The following MYO16 variants were observed in gnomAD, a reference collection of about 807,000 sequenced individuals.
MYO16 encodes unconventional myosin-XVI.
A neutral mutation model predicts 205.3 loss-of-function variants in MYO16; 94 were observed. That is an observed-to-expected ratio of 0.46 (90% confidence interval 0.39 to 0.54). The LOEUF is 0.54. Ranked by LOEUF, MYO16 falls within the 20% of genes least tolerant of loss-of-function variation. The pLI is 0.00. For synonymous variants in MYO16, 988 were observed against 954.0 expected, an observed-to-expected ratio of 1.04 and a Z score of -0.66; for missense variants, 2,315 against 2,387.5, an observed-to-expected ratio of 0.97 and a Z score of 0.63.
At chr13:109,023,688 T>TATATATGTATATATGTATATATACAA (rs1566468315) in intron 23 of MYO16, among the ~76,000 whole-genome samples, 11 of 100,254 alleles carry the variant, frequency 1.1e-4, no homozygotes, top group African/African-American at 3.5e-4. Flanking sequence ...TATATATACA[T>TATATATGTATATATGTATATATACAA]ATATATGTAT....
intron 32 of MYO16, among the ~76,000 whole-genome samples, chr13:109,153,474 A>C (rs999865672): frequency 2.6e-5 from 4 of 152,208 alleles, no homozygotes; most frequent in African/African-American, 9.6e-5. Context: ...GTACTTTAGA[A>C]ATGATTAATC....
chr13:109,161,472 A>G (rs1444420146), intron 32 of MYO16, among the ~76,000 whole-genome samples: 1 of 152,132 alleles, frequency 6.6e-6, no homozygotes, highest in East Asian at 1.9e-4. Context: ...TCATCTCGAA[A>G]ATAGGTGTAA....
intron 4 of MYO16, among the ~76,000 whole-genome samples, chr13:108,754,600 G>A (rs1488564097): frequency 1.3e-5 from 2 of 152,130 alleles, no homozygotes; most frequent in Admixed American, 1.3e-4. Flanking sequence ...CCTTAAGGTG[G>A]AAATAAAACA....
At chr13:108,837,551 A>G (rs1387562586) in intron 9 of MYO16, among the ~76,000 whole-genome samples, 4 of 152,216 alleles carry the variant, frequency 2.6e-5, no homozygotes, top group Non-Finnish European at 5.9e-5. Flanking sequence ...AGGGCTTGAT[A>G]CATACTTAGA....
chr13:108,954,253 T>A (rs1159135710), intron 16 of MYO16, among the ~76,000 whole-genome samples: 18 of 151,724 alleles, frequency 1.2e-4, no homozygotes, highest in Admixed American at 1.2e-3. Context: ...GTAAAAGAAA[T>A]TTTTTTTTGC....
At chr13:109,135,563 G>A (rs1334879960) in intron 31 of MYO16, among the ~76,000 whole-genome samples, 1 of 152,154 alleles carries the variant, frequency 6.6e-6, no homozygotes, top group East Asian at 1.9e-4. Context: ...TCACAGGTAT[G>A]AGCATAACGC....
intron 23 of MYO16, among the ~76,000 whole-genome samples, chr13:109,036,120 C>T (rs1224626175): frequency 6.6e-6 from 1 of 152,216 alleles, no homozygotes; most frequent in African/African-American, 2.4e-5. Context: ...AAAGAACTCA[C>T]TATTCCCCAG....
At position 109,101,736 on chromosome 13, in the gene MYO16, T is replaced by C. The variant is rs537484071; in HGVS notation, c.3438+849T>C. 14 of 152,256 alleles carry C rather than the reference T, an allele frequency of 9.2e-5. No individual in the cohort carries two copies. The East Asian group carries it at 2.7e-3, about 29-fold the overall frequency. The allele number at this position is 152,256 out of a possible 1,614,324, so 9.4% of individuals were successfully genotyped here. On this transcript the variant is annotated intron_variant, in intron 28 of 34. Coordinates refer to ENST00000457511, the MANE Select transcript of MYO16 (RefSeq NM_001198950.3). The stretch of plus-strand genomic sequence containing the variant: ...TGTAAAACCACCAAAAGTGCATAGG[T>C]GGCAAAAACAAATGGTAGCTAAAAG...
chr13:109,061,230 C>A (rs1021487095), intron 27 of MYO16, among the ~76,000 whole-genome samples: 2 of 152,154 alleles, frequency 1.3e-5, no homozygotes, highest in African/African-American at 2.4e-5. Flanking sequence ...TTCTCCATAT[C>A]GGCAATAAGG....
At chr13:108,563,040 CA>C in the MYO16 span, among the ~76,000 whole-genome samples, 1 of 152,182 alleles carries the variant, frequency 6.6e-6, no homozygotes, top group Non-Finnish European at 1.5e-5. Flanking sequence ...ACCAATCTGA[CA>C]TTGCTGTGAC....
intron 1 of MYO16, among the ~76,000 whole-genome samples, chr13:108,597,223 T>C (rs902071657): frequency 3.3e-5 from 5 of 152,200 alleles, no homozygotes; most frequent in African/African-American, 9.7e-5. Flanking sequence ...TCTTAAGATA[T>C]ATATTTATAG....
intron 27 of MYO16, among the ~76,000 whole-genome samples, chr13:109,097,114 G>T (rs1294453869): frequency 2.0e-5 from 3 of 152,202 alleles, no homozygotes; most frequent in African/African-American, 7.2e-5. Flanking sequence ...TGGATCACCT[G>T]AGGTCAGCAG....
chr13:108,536,699 A>G, the MYO16 span, among the ~76,000 whole-genome samples: 9 of 152,308 alleles, frequency 5.9e-5, no homozygotes, highest in African/African-American at 2.2e-4. Context: ...AACTTTTAGT[A>G]TAAACCAGAT....
chr13:108,899,162 G>T (rs757413333), intron 15 of MYO16, among the ~76,000 whole-genome samples: 1 of 152,148 alleles, frequency 6.6e-6, no homozygotes, highest in Non-Finnish European at 1.5e-5. Flanking sequence ...AGTGGCTCAC[G>T]CCTGAAATCC....
chr13:108,970,532 C>A (rs1484008736), intron 20 of MYO16, among the ~76,000 whole-genome samples: 2 of 152,156 alleles, frequency 1.3e-5, no homozygotes, highest in Non-Finnish European at 2.9e-5. Context: ...GCAAGGCCTG[C>A]GGGGGCAGCT....
At chr13:108,891,168 A>G (rs1301969754) in intron 14 of MYO16, among the ~76,000 whole-genome samples, 1 of 152,244 alleles carries the variant, frequency 6.6e-6, no homozygotes, top group Non-Finnish European at 1.5e-5. Flanking sequence ...ATTATCAAAT[A>G]CATTTAATGT....
intron 6 of MYO16, among the ~76,000 whole-genome samples, chr13:108,799,334 A>G (rs1212355845): frequency 6.6e-6 from 1 of 152,250 alleles, no homozygotes; most frequent in Non-Finnish European, 1.5e-5. Context: ...AAATGCAATA[A>G]AAATGGTGCC....
intron 2 of MYO16, among the ~76,000 whole-genome samples, chr13:108,683,084 A>G (rs1220109894): frequency 6.6e-6 from 1 of 152,194 alleles, no homozygotes; most frequent in African/African-American, 2.4e-5. Context: ...TTAATGCCTG[A>G]ATTAAATAGT....
the MYO16 span, among the ~76,000 whole-genome samples, chr13:108,529,418 T>G: frequency 6.6e-6 from 1 of 152,208 alleles, no homozygotes; most frequent in South Asian, 2.1e-4. Flanking sequence ...TTTTTTAATC[T>G]TACTAAAGTG....
Sources: allele counts gnomAD v4.1 joint callset (sites outside exome capture counted in the v4.1 genomes callset), GRCh38; gene constraint gnomAD v4.1.1; transcripts MANE v1.5; gene names NCBI Gene and HGNC (gene_info 2026-07-23, HGNC 2026-07-21).